VEPH1: variants seen among roughly 807,000 people sequenced by gnomAD.
VEPH1 encodes the protein ventricular zone expressed PH domain containing 1, also known as ventricular zone-expressed PH domain-containing protein homolog 1.
VEPH1 carries 80 observed loss-of-function variants against 85.2 expected under a neutral mutation model. The observed-to-expected ratio is 0.94, with a 90% CI of 0.78 to 1.13. The LOEUF (loss-of-function observed/expected upper bound fraction) is 1.13, where lower values mean the gene tolerates loss of function less well. Ranked by LOEUF, VEPH1 falls within the 50% of genes most tolerant of loss-of-function variation. The pLI, the probability that VEPH1 is intolerant of heterozygous loss-of-function variation, is 0.00. For missense variants in VEPH1, 955 were observed against 980.5 expected (o/e 0.97, Z 0.35); for synonymous variants, 297 against 348.0 (o/e 0.85, Z 1.63).
chr3:157,426,359 CGAAGAGA>C (rs1029096789), intron 5 of VEPH1, among the ~76,000 whole-genome samples: 1 of 152,106 alleles, frequency 6.6e-6, no homozygotes, highest in Admixed American at 6.5e-5. Flanking sequence ...AAGCATAGTG[CGAAGAGA>C]GCCCCTAGCA....
intron 1 of VEPH1, among the ~76,000 whole-genome samples, chr3:157,497,893 G>C (rs1394318389): frequency 6.6e-6 from 1 of 152,164 alleles, no homozygotes; most frequent in Non-Finnish European, 1.5e-5. Context: ...ACAAACATAG[G>C]GGTGGAGTGG....
chr3:157,286,368 A>T, intron 12 of VEPH1, 189 bp downstream of exon 12: 1 of 626,446 alleles, frequency 1.6e-6, no homozygotes, highest in South Asian at 1.8e-5. Flanking sequence ...CTGCCTCCCA[A>T]AGTTTTCCCT....
chr3:157,317,676 CTGTA>C (rs1720888044), intron 9 of VEPH1, among the ~76,000 whole-genome samples: 1 of 152,128 alleles, frequency 6.6e-6, no homozygotes, highest in Non-Finnish European at 1.5e-5. Flanking sequence ...TTCCTGTGAA[CTGTA>C]CTGGTCGGGT....
intron 4 of VEPH1, chr3:157,437,112 C>T: frequency 1.9e-6 from 3 of 1,598,000 alleles, no homozygotes; most frequent in Non-Finnish European, 2.6e-6. Context: ...ACATATCCAC[C>T]TCTTGGTCTA....
intron 4 of VEPH1, among the ~76,000 whole-genome samples, chr3:157,434,237 A>G (rs923436627): frequency 1.3e-5 from 2 of 152,144 alleles, no homozygotes; most frequent in African/African-American, 4.8e-5. Context: ...TTTAACTTTT[A>G]ACATTTCTAC....
chr3:157,415,694 T>A (rs2109043708), intron 5 of VEPH1, among the ~76,000 whole-genome samples: 1 of 152,292 alleles, frequency 6.6e-6, no homozygotes, highest in South Asian at 2.1e-4. Context: ...TTGGTCCACC[T>A]TCCCGCAGTC....
chr3:157,300,120 C>G (rs923483499), intron 11 of VEPH1, among the ~76,000 whole-genome samples: 2 of 151,984 alleles, frequency 1.3e-5, no homozygotes, highest in Non-Finnish European at 2.9e-5. Context: ...AAAAGAGGTG[C>G]TATTTATTCT....
chr3:157,466,109 G>A (rs1189066171), intron 3 of VEPH1, among the ~76,000 whole-genome samples: 1 of 151,822 alleles, frequency 6.6e-6, no homozygotes, highest in Non-Finnish European at 1.5e-5. Flanking sequence ...CTTGAGGTAC[G>A]TTTTAATTTT....
intron 4 of VEPH1, among the ~76,000 whole-genome samples, chr3:157,453,599 G>C (rs1735140311): frequency 6.6e-6 from 1 of 152,050 alleles, no homozygotes; most frequent in Non-Finnish European, 1.5e-5. Context: ...GGAAAATAAG[G>C]ATTAGTGTAC....
At position 157,460,291 on chromosome 3, in the gene VEPH1, C is replaced by G; in HGVS notation, c.419G>C (p.Gly140Ala). Residue 140 changes from glycine to alanine, a missense_variant, in exon 4 of 14, where the codon GGC becomes GCC. Coordinates refer to ENST00000362010, the MANE Select transcript of VEPH1 (RefSeq NM_001167912.2). ...CATATTCCTGCACAGTTCCTTGTTG[C>G]CTCTGTGGAGGAATTTCACTGCAAT... is the stretch of plus-strand genomic sequence containing the variant. ...IPIAVKFLHR[G>A]NKELCRNMSN... The G allele has an allele frequency of 1.2e-6, 2 of 1,614,142 alleles. No individual in the cohort carries two copies.
chr3:157,489,190 G>T (rs1738979239), intron 2 of VEPH1: 2 of 456,384 alleles, frequency 4.4e-6, no homozygotes, highest in Non-Finnish European at 8.8e-6. Flanking sequence ...AGAAAAATTA[G>T]ACCATGTTAC....
intron 2 of VEPH1, among the ~76,000 whole-genome samples, chr3:157,491,936 GCAATGATAAATTA>G (rs1050053479): frequency 1.4e-4 from 22 of 152,132 alleles, no homozygotes; most frequent in Admixed American, 1.4e-3. Context: ...TGAGTATTGG[GCAATGATAAATTA>G]CAATAATAAA....
At chr3:157,272,373 T>TC (rs1313999562) in intron 12 of VEPH1, among the ~76,000 whole-genome samples, 2,022 of 122,032 alleles carry the variant, frequency 0.017, 84 homozygotes, top group African/African-American at 0.064. Flanking sequence ...TCTTTCTCTT[T>TC]CTTTTCTTTC....
chr3:157,363,277 A>C, intron 9 of VEPH1, 87 bp downstream of exon 9: 2 of 1,286,416 alleles, frequency 1.6e-6, no homozygotes, highest in Non-Finnish European at 2.1e-6. Context: ...TCCAGAAAAG[A>C]GTATGCTAAT....
chr3:157,493,313 T>A (rs775191532), intron 2 of VEPH1: 2 of 455,860 alleles, frequency 4.4e-6, no homozygotes, highest in South Asian at 1.6e-5. Flanking sequence ...AATTGAGAAG[T>A]GGAATTGATT....
rs78620047 is a variant in VEPH1, at chr3:157,382,465, T to C, written c.907-1089A>G. Among the ~76,000 whole-genome samples, 429 of 152,336 alleles carry C rather than the reference T, an allele frequency of 2.8e-3. 7 individuals carry two copies. In the East Asian group the frequency reaches 0.044, roughly 16 times the overall value. Reference sequence around the variant, plus strand: ...TTGAAAAGGTTATTTGAAATGTAGATTTGTGCCCAATAGAAATAATGATAT... The same window carrying C: ...TTGAAAAGGTTATTTGAAATGTAGACTTGTGCCCAATAGAAATAATGATAT... On this transcript the variant is annotated intron_variant, in intron 6 of 13. Transcript: ENST00000362010.
At chr3:157,368,602 C>T (rs1319823870) in intron 7 of VEPH1, among the ~76,000 whole-genome samples, 1 of 151,994 alleles carries the variant, frequency 6.6e-6, no homozygotes, top group East Asian at 1.9e-4. Context: ...TGCCATTCTC[C>T]CACCTCAGCC....
intron 12 of VEPH1, among the ~76,000 whole-genome samples, chr3:157,271,928 A>T (rs1201374660): frequency 6.6e-6 from 1 of 152,238 alleles, no homozygotes; most frequent in Non-Finnish European, 1.5e-5. Context: ...AGTTCAAGAC[A>T]CTTTGGTAAG....
At chr3:157,401,364 T>C (rs952027903) in intron 6 of VEPH1, among the ~76,000 whole-genome samples, 6 of 152,148 alleles carry the variant, frequency 3.9e-5, no homozygotes, top group African/African-American at 1.4e-4. Context: ...AGTTGAACTA[T>C]ACATCAGCTA....
Sources: allele counts gnomAD v4.1 joint callset (sites outside exome capture counted in the v4.1 genomes callset), GRCh38; gene constraint gnomAD v4.1.1; transcripts MANE v1.5; gene names NCBI Gene and HGNC (gene_info 2026-07-23, HGNC 2026-07-21).